PDE1A: variants seen among roughly 807,000 people sequenced by gnomAD.
PDE1A encodes the protein phosphodiesterase 1A.
Under a neutral mutation model 61.7 loss-of-function variants are expected in PDE1A, and 35 were observed. The ratio of observed to expected loss-of-function variants is 0.57; its 90% confidence interval spans 0.43 to 0.75. The LOEUF (loss-of-function observed/expected upper bound fraction) is 0.75. PDE1A is among the 30% of genes least tolerant of loss of function. PDE1A has a pLI of 0.00. For synonymous variants in PDE1A, 232 were observed against 213.2 expected, an observed-to-expected ratio of 1.09 and a Z score of -0.77; for missense variants, 597 against 630.6, an observed-to-expected ratio of 0.95 and a Z score of 0.57.
At chr2:182,664,269 T>G in the PDE1A span, among the ~76,000 whole-genome samples, 1 of 152,242 alleles carries the variant, frequency 6.6e-6, no homozygotes, top group Admixed American at 6.5e-5. Flanking sequence ...CTTGCAGTTC[T>G]GCTGCCAAAG....
chr2:182,529,156 C>G, the PDE1A span, among the ~76,000 whole-genome samples: 16 of 152,306 alleles, frequency 1.1e-4, no homozygotes, highest in East Asian at 3.1e-3. Flanking sequence ...CACAGACTCT[C>G]AATGCCAGTG....
intron 1 of PDE1A, among the ~76,000 whole-genome samples, chr2:182,283,893 C>T (rs1241050841): frequency 6.6e-6 from 1 of 152,106 alleles, no homozygotes. Flanking sequence ...CTCATTTTAA[C>T]ATCTTTTTTT....
At chr2:182,264,470 TGGAAA>T in intron 1 of PDE1A, 56 bp from the exon 2 acceptor site, 17 of 1,228,982 alleles carry the variant, frequency 1.4e-5, no homozygotes, top group Non-Finnish European at 2.0e-5. Flanking sequence ...TGTAACTATA[TGGAAA>T]ATAGTACAGT....
intron 2 of PDE1A, among the ~76,000 whole-genome samples, chr2:182,516,626 G>C (rs1690166581): frequency 6.7e-6 from 1 of 150,350 alleles, no homozygotes; most frequent in African/African-American, 2.5e-5. Flanking sequence ...GCACCAGAGT[G>C]AGATCCTATC....
chr2:182,524,519 A>G (rs181232251), upstream of PDE1A, among the ~76,000 whole-genome samples: 83 of 152,236 alleles, frequency 5.5e-4, no homozygotes, highest in African/African-American at 1.9e-3. Flanking sequence ...TCACACATTG[A>G]TATTTAAGAC....
chr2:182,226,529 G>C (rs1299503422), intron 6 of PDE1A, among the ~76,000 whole-genome samples: 3 of 149,760 alleles, frequency 2.0e-5, no homozygotes, highest in African/African-American at 7.6e-5. Context: ...TGGACTGATT[G>C]TTAGTTCCTT....
intron 1 of PDE1A, among the ~76,000 whole-genome samples, chr2:182,367,152 C>G (rs1165848825): frequency 2.0e-5 from 3 of 151,696 alleles, no homozygotes; most frequent in Non-Finnish European, 4.4e-5. Flanking sequence ...AACAAGCTTG[C>G]TTTTGTTGAT....
chr2:182,652,363 AAC>A, the PDE1A span, among the ~76,000 whole-genome samples: 1 of 152,106 alleles, frequency 6.6e-6, no homozygotes, highest in African/African-American at 2.4e-5. Flanking sequence ...GCAGTCTAGA[AAC>A]ACACTTACCT....
chr2:182,468,941 A>G (rs1686850700), intron 2 of PDE1A, among the ~76,000 whole-genome samples: 1 of 151,978 alleles, frequency 6.6e-6, no homozygotes, highest in South Asian at 2.1e-4. Flanking sequence ...AGGTCTTAAC[A>G]GTGGGCTGAA....
chr2:182,502,313 C>T (rs919963179), intron 2 of PDE1A, among the ~76,000 whole-genome samples: 9 of 150,210 alleles, frequency 6.0e-5, no homozygotes, highest in Admixed American at 1.3e-4. Context: ...TACTCTCTTT[C>T]GTGTGTGTGT....
At chr2:182,386,126 C>T (rs908097759) in intron 1 of PDE1A, among the ~76,000 whole-genome samples, 6 of 152,290 alleles carry the variant, frequency 3.9e-5, no homozygotes, top group East Asian at 3.9e-4. Flanking sequence ...GGATTGCGGA[C>T]GGAGTCTCGT....
At chr2:182,314,826 A>G (rs1696232026) in intron 1 of PDE1A, among the ~76,000 whole-genome samples, 1 of 152,016 alleles carries the variant, frequency 6.6e-6, no homozygotes, top group Non-Finnish European at 1.5e-5. Flanking sequence ...TATGCATGCA[A>G]TGTATTATAT....
At chr2:182,213,075 C>G (rs1481366331) in intron 7 of PDE1A, among the ~76,000 whole-genome samples, 3 of 149,476 alleles carry the variant, frequency 2.0e-5, no homozygotes, top group African/African-American at 5.0e-5. Context: ...GATCTGAGAA[C>G]GGGCAGACTG....
intron 7 of PDE1A, among the ~76,000 whole-genome samples, chr2:182,218,185 C>A (rs988720239): frequency 2.0e-5 from 3 of 148,326 alleles, no homozygotes; most frequent in Middle Eastern, 3.4e-3. Context: ...AACCAAACAC[C>A]GCATATTCTC....
chr2:182,448,974 A>T (rs964669089), intron 2 of PDE1A, among the ~76,000 whole-genome samples: 9 of 151,822 alleles, frequency 5.9e-5, no homozygotes, highest in African/African-American at 2.2e-4. Context: ...ATATTTAAAG[A>T]TATACGTTTA....
At chr2:182,700,646 C>A in the PDE1A span, among the ~76,000 whole-genome samples, 2 of 132,524 alleles carry the variant, frequency 1.5e-5, no homozygotes, top group Non-Finnish European at 3.1e-5. Context: ...CGCTTTAATG[C>A]GGGAGGCAGA....
chr2:182,256,123 T>C (rs1452974111), intron 2 of PDE1A, among the ~76,000 whole-genome samples: 1 of 146,228 alleles, frequency 6.8e-6, no homozygotes, highest in Non-Finnish European at 1.5e-5. Context: ...TTAGGGTACA[T>C]GTGCACATTG....
chr2:182,347,285 T>C (rs1445440692), intron 1 of PDE1A, among the ~76,000 whole-genome samples: 2 of 152,130 alleles, frequency 1.3e-5, no homozygotes, highest in African/African-American at 2.4e-5. Flanking sequence ...GAAAGGAATA[T>C]GCACAGAATC....
At chr2:182,481,705 G>C (rs565368901) in intron 2 of PDE1A, among the ~76,000 whole-genome samples, 1 of 152,068 alleles carries the variant, frequency 6.6e-6, no homozygotes, top group East Asian at 1.9e-4. Flanking sequence ...ATATGTGGGG[G>C]AAGGTACAGA....
Sources: allele counts gnomAD v4.1 joint callset (sites outside exome capture counted in the v4.1 genomes callset), GRCh38; gene constraint gnomAD v4.1.1; transcripts MANE v1.5; gene names NCBI Gene and HGNC (gene_info 2026-07-23, HGNC 2026-07-21).